RGS6: variants seen among roughly 807,000 people sequenced by gnomAD.
RGS6 encodes the protein regulator of G protein signaling 6, also known as regulator of G-protein signaling 6.
Under a neutral mutation model 78.5 loss-of-function variants are expected in RGS6, and 30 were observed. The observed-to-expected ratio is 0.38, with a 90% confidence interval of 0.29 to 0.52. The LOEUF (loss-of-function observed/expected upper bound fraction) is 0.52. Among genes scored for constraint, RGS6 ranks in the 20% least tolerant of loss-of-function variants. The probability of loss-of-function intolerance (pLI) is 0.85; values close to 1 mark genes in which losing one functional copy is unlikely to be tolerated. For synonymous variants in RGS6, 206 were observed against 206.0 expected (o/e 1.00, Z 0.00); for missense variants, 495 against 609.7 (o/e 0.81, Z 1.98).
intron 3 of RGS6, among the ~76,000 whole-genome samples, chr14:72,357,888 A>G (rs2080664361): frequency 6.6e-6 from 1 of 152,210 alleles, no homozygotes; most frequent in Non-Finnish European, 1.5e-5. Flanking sequence ...CCTTCAAGGC[A>G]GCACCTCCCA....
intron 2 of RGS6, among the ~76,000 whole-genome samples, chr14:72,278,803 TA>T (rs1404955964): frequency 1.3e-5 from 2 of 152,074 alleles, no homozygotes; most frequent in African/African-American, 4.8e-5. Context: ...TACCATAGAC[TA>T]GGTGGCTTAA....
At chr14:72,311,505 G>A (rs2068606269) in intron 2 of RGS6, among the ~76,000 whole-genome samples, 1 of 151,960 alleles carries the variant, frequency 6.6e-6, no homozygotes, top group Non-Finnish European at 1.5e-5. Context: ...AAAAATAATA[G>A]GGAAGAAAAC....
chr14:72,350,498 T>C (rs987461263), intron 2 of RGS6, among the ~76,000 whole-genome samples: 2 of 152,204 alleles, frequency 1.3e-5, no homozygotes, highest in Non-Finnish European at 2.9e-5. Flanking sequence ...TGGGTGGTGC[T>C]ATGTGACCAG....
chr14:72,152,510 T>C (rs149192198), intron 2 of RGS6, among the ~76,000 whole-genome samples: 1 of 152,276 alleles, frequency 6.6e-6, no homozygotes, highest in East Asian at 1.9e-4. Flanking sequence ...AGCTCTGTAA[T>C]AGGGTTTCTG....
intron 2 of RGS6, among the ~76,000 whole-genome samples, chr14:72,302,552 A>G (rs911910599): frequency 6.6e-6 from 1 of 152,096 alleles, no homozygotes; most frequent in African/African-American, 2.4e-5. Context: ...ACCCATACAA[A>G]ACTCATATCT....
intron 3 of RGS6, among the ~76,000 whole-genome samples, chr14:72,406,584 G>A (rs1380414577): frequency 6.6e-6 from 1 of 152,124 alleles, no homozygotes; most frequent in Non-Finnish European, 1.5e-5. Flanking sequence ...GTCAGGGGGT[G>A]GGTGTCAGTT....
chr14:72,517,135 T>TAA (rs34414996), intron 14 of RGS6, among the ~76,000 whole-genome samples: 13 of 142,382 alleles, frequency 9.1e-5, no homozygotes, highest in African/African-American at 3.2e-4. Flanking sequence ...TGTTTAACCC[T>TAA]AAAAAAAAAA....
intron 2 of RGS6, among the ~76,000 whole-genome samples, chr14:72,118,534 C>T (rs183343453): frequency 4.6e-5 from 7 of 152,232 alleles, no homozygotes; most frequent in Admixed American, 2.0e-4. Context: ...CAGCTGTCTG[C>T]GTGGAAATAG....
chr14:71,927,378 C>A, the RGS6 span, among the ~76,000 whole-genome samples: 2 of 152,208 alleles, frequency 1.3e-5, no homozygotes, highest in East Asian at 3.9e-4. Flanking sequence ...ACACGGTTTT[C>A]AAAACTGTAG....
chr14:72,630,026 C>G, the RGS6 span, among the ~76,000 whole-genome samples: 3 of 152,182 alleles, frequency 2.0e-5, no homozygotes, highest in East Asian at 5.8e-4. Context: ...TCAGAGAGAA[C>G]GAGAGAGGAA....
At chr14:72,256,731 T>C (rs2057160743) in intron 2 of RGS6, among the ~76,000 whole-genome samples, 1 of 152,198 alleles carries the variant, frequency 6.6e-6, no homozygotes. Flanking sequence ...AAGAGTTAGC[T>C]TGGGAGGTTA....
the RGS6 span, among the ~76,000 whole-genome samples, chr14:71,896,391 A>G: frequency 6.6e-6 from 1 of 152,280 alleles, no homozygotes; most frequent in African/African-American, 2.4e-5. Flanking sequence ...TGATGTTGCC[A>G]TGGCATTTGT....
chr14:72,454,436 T>C (rs1453723577), intron 3 of RGS6, 92 bp from the exon 4 acceptor site: 9 of 1,325,580 alleles, frequency 6.8e-6, no homozygotes, highest in Non-Finnish European at 9.8e-6. Context: ...GTGGACTGTT[T>C]GGAATTAGGA....
chr14:71,978,664 C>A (rs1040371931), intron 2 of RGS6, among the ~76,000 whole-genome samples: 1 of 150,282 alleles, frequency 6.7e-6, no homozygotes, highest in Non-Finnish European at 1.5e-5. Flanking sequence ...ATTCGTTTTG[C>A]CAGTATTTTA....
intron 2 of RGS6, among the ~76,000 whole-genome samples, chr14:72,018,149 C>T (rs924717475): frequency 6.6e-6 from 1 of 151,740 alleles, no homozygotes; most frequent in African/African-American, 2.4e-5. Context: ...GTATATGTAC[C>T]ACACAAGAAA....
At chr14:72,285,025 C>T (rs2062266627) in intron 2 of RGS6, among the ~76,000 whole-genome samples, 2 of 152,178 alleles carry the variant, frequency 1.3e-5, no homozygotes, top group Admixed American at 1.3e-4. Context: ...GTATATCTAT[C>T]CAACGCCTGT....
chr14:72,192,929 A>G (rs1039635825), intron 2 of RGS6, among the ~76,000 whole-genome samples: 2 of 150,786 alleles, frequency 1.3e-5, no homozygotes, highest in African/African-American at 2.4e-5. Context: ...CCAAAACACC[A>G]TCTAAATGGC....
chr14:72,160,988 A>G (rs534558172), intron 2 of RGS6, among the ~76,000 whole-genome samples: 30 of 152,228 alleles, frequency 2.0e-4, no homozygotes, highest in Non-Finnish European at 3.4e-4. Context: ...CTTGGAACCA[A>G]TCCAAATGCA....
chr14:72,617,618 C>T, the RGS6 span, among the ~76,000 whole-genome samples: 1 of 152,186 alleles, frequency 6.6e-6, no homozygotes, highest in African/African-American at 2.4e-5. Context: ...TGCCACAGGT[C>T]ACTCTGCTGA....
Sources: allele counts gnomAD v4.1 joint callset (sites outside exome capture counted in the v4.1 genomes callset), GRCh38; gene constraint gnomAD v4.1.1; transcripts MANE v1.5; gene names NCBI Gene and HGNC (gene_info 2026-07-23, HGNC 2026-07-21).